Variants in ANO2 observed in about 807,000 individuals in gnomAD.
ANO2 encodes anoctamin-2.
ANO2 carries 101 observed loss-of-function variants against 124.2 expected under a neutral mutation model. The observed-to-expected ratio is 0.81, with a 90% CI of 0.69 to 0.96. The LOEUF is 0.96. Ranked by LOEUF, ANO2 falls within the 40% of genes least tolerant of loss-of-function variation. ANO2 has a pLI of 0.00. For missense variants in ANO2, 1,293 were observed against 1,274.5 expected (o/e 1.01, Z -0.22); for synonymous variants, 486 against 482.5 (o/e 1.01, Z -0.09).
At chr12:5,702,589 C>T (rs1177749902) in intron 14 of ANO2, among the ~76,000 whole-genome samples, 3 of 151,282 alleles carry the variant, frequency 2.0e-5, no homozygotes, top group African/African-American at 7.3e-5. Context: ...AAAAAAAAGA[C>T]CATCATACCG....
intron 16 of ANO2, among the ~76,000 whole-genome samples, chr12:5,621,890 G>A (rs1481525806): frequency 1.3e-5 from 2 of 152,040 alleles, no homozygotes; most frequent in African/African-American, 4.8e-5. Context: ...GAAAGGGAAG[G>A]AAGAAAGGGA....
Position 5,908,265 on chromosome 12 carries a change from C to T in ANO2, c.534+12775G>A, listed in dbSNP as rs149095555. Among the ~76,000 whole-genome samples, 340 of 152,356 alleles carry T rather than the reference C, an allele frequency of 2.2e-3. No homozygotes were observed. The highest frequency in any genetic ancestry group is 0.01 in the Middle Eastern group (3 of 294). ...GGCCTGAGAAGCCTTCACCCTCCAA[C>T]GGCCTGTGGATGAGCTAAGTGTAAG... On this transcript the variant is annotated intron_variant, in intron 3 of 24. Transcript: ENST00000682330. The surrounding 1 kb of genome is among the most constrained non-coding windows in gnomAD (Gnocchi z 4.7).
chr12:5,712,248 G>T (rs1195132773), intron 14 of ANO2, among the ~76,000 whole-genome samples: 1 of 151,856 alleles, frequency 6.6e-6, no homozygotes, highest in Non-Finnish European at 1.5e-5. Context: ...ATAGGCCCGG[G>T]TTCTAACCCC....
At position 5,925,682 on chromosome 12, in the gene ANO2, T is replaced by A. The variant is rs754914128; in HGVS notation, c.23-2878A>T. Among the ~76,000 whole-genome samples the A allele has an allele frequency of 2.6e-5, 4 of 152,224 alleles. No homozygotes were observed. The highest frequency in any genetic ancestry group is 5.9e-5 in the Non-Finnish European group (4 of 68,034). On this transcript the variant is annotated intron_variant, in intron 1 of 24. Coordinates refer to ENST00000682330, the MANE Select transcript of ANO2 (RefSeq NM_001364791.2). This position sits in a 1 kb window ranked among gnomAD's most constrained non-coding sequence, Gnocchi z 4.6. ...GCCATCGTACACAGCCCGTGGAACA[T>A]GTCACCCATTTGGAAAGAATCTTTC...
chr12:5,833,252 T>C lies in ANO2; in HGVS notation c.634-649A>G, dbSNP rs190383834. Among the ~76,000 whole-genome samples, 145 of 152,344 alleles carry C rather than the reference T, an allele frequency of 9.5e-4. 2 individuals carry two copies. The highest frequency in any genetic ancestry group is 6.5e-4 in the Non-Finnish European group (44 of 68,032). ...GGCATAGATTTAGTACCAAGGTAAT[T>C]GTTAATATTTATAGTGCATACTGTT... On this transcript the variant is annotated intron_variant, in intron 4 of 24. Coordinates refer to ENST00000682330, the MANE Select transcript of ANO2 (RefSeq NM_001364791.2).
chr12:5,787,305 A>G lies in ANO2; in HGVS notation c.1055+12202T>C, dbSNP rs79401177. On this transcript the variant is annotated intron_variant, in intron 10 of 24. Transcript: ENST00000682330. The surrounding 1 kb of genome is among the most constrained non-coding windows in gnomAD (Gnocchi z 4.2). ...GGCACTCACATAAGCCAAACCTTTCAATGATGTACCCTTTCCTTAGGGTAC... is the reference window on the plus strand; with the variant it reads ...GGCACTCACATAAGCCAAACCTTTCGATGATGTACCCTTTCCTTAGGGTAC... 3.3e-3 allele frequency among the ~76,000 whole-genome samples: 498 copies of G among 152,200 alleles called. 5 individuals are homozygous for G. Among genetic ancestry groups the G allele is most frequent in the African/African-American group, 0.012 (479 of 41,522 alleles).
chr12:5,823,974 G>A (rs556387464), intron 7 of ANO2, among the ~76,000 whole-genome samples: 1 of 152,334 alleles, frequency 6.6e-6, no homozygotes, highest in East Asian at 1.9e-4. Context: ...AGCCTGAGCT[G>A]TATGTTGGCC....
chr12:5,633,605 T>C (rs777156297), intron 16 of ANO2, among the ~76,000 whole-genome samples: 1 of 151,492 alleles, frequency 6.6e-6, no homozygotes, highest in Admixed American at 6.6e-5. Flanking sequence ...AAAAACACGT[T>C]CTGGTCAACT....
chr12:5,833,845 T>C (rs1178070995), intron 4 of ANO2, among the ~76,000 whole-genome samples: 1 of 152,138 alleles, frequency 6.6e-6, no homozygotes, highest in Non-Finnish European at 1.5e-5. Context: ...ATGGAAATAT[T>C]GTCTTCCGTG....
intron 4 of ANO2, among the ~76,000 whole-genome samples, chr12:5,851,684 CAAA>C (rs548897910): frequency 6.4e-5 from 4 of 62,580 alleles, no homozygotes; most frequent in Non-Finnish European, 3.4e-5. Flanking sequence ...GACTCCATCT[CAAA>C]AAAAAAAAAA....
chr12:5,563,360 G>A lies in ANO2; in HGVS notation c.2936C>T (p.Pro979Leu), dbSNP rs2136815468. 6.2e-7 allele frequency: 1 copy of A among 1,605,794 alleles called. No individual in the cohort carries two copies. Among genetic ancestry groups the A allele is most frequent in the South Asian group, 1.1e-5 (1 of 89,618 alleles). Residue 979 changes from proline to leucine, a missense_variant, in exon 25 of 25, where the codon CCT becomes CTT. Pro to Leu is a moderately conservative substitution (Grantham distance 98, BLOSUM62 -3). Transcript: ENST00000682330. ...RSRSRAASSAPSGQSQLGSMM... is the reference protein window; with the variant it reads ...RSRSRAASSALSGQSQLGSMM... ...GCTGCCCAGCTGGCTTTGGCCTGAA[G>A]GTGCTGAGCTGGCTGCCCGGCTCCT...
chr12:5,578,344 G>A, intron 21 of ANO2, 22 bp downstream of exon 21: 2 of 1,608,672 alleles, frequency 1.2e-6, no homozygotes, highest in Non-Finnish European at 1.7e-6. Context: ...GGCCTGGTGG[G>A]GCCTCTAAGT....
chr12:5,773,232 C>T (rs1952135500), intron 10 of ANO2, among the ~76,000 whole-genome samples: 1 of 152,218 alleles, frequency 6.6e-6, no homozygotes, highest in Admixed American at 6.5e-5. Context: ...ATTGTTGCTT[C>T]CCCATTTTTT....
At position 5,769,179 on chromosome 12, in the gene ANO2, G is replaced by A. The variant is rs1017303853; in HGVS notation, c.1056-18209C>T. On this transcript the variant is annotated intron_variant, in intron 10 of 24. Coordinates refer to ENST00000682330, the MANE Select transcript of ANO2 (RefSeq NM_001364791.2). The surrounding 1 kb of genome is among the most constrained non-coding windows in gnomAD (Gnocchi z 4.0). ...TCCTGTGCTGTGCCACTTTTAAGAA[G>A]AGGTTCCCTCTCTCCAACCAATCCT... is the stretch of plus-strand genomic sequence containing the variant. Among the ~76,000 whole-genome samples the A allele has an allele frequency of 3.9e-5, 6 of 152,162 alleles. No homozygotes were observed. The highest frequency in any genetic ancestry group is 8.8e-5 in the Non-Finnish European group (6 of 68,016).
chr12:5,875,284 T>C (rs1938016813), intron 3 of ANO2, among the ~76,000 whole-genome samples: 1 of 152,214 alleles, frequency 6.6e-6, no homozygotes. Flanking sequence ...GGACAGACCA[T>C]GAGATACTAA....
At chr12:5,889,173 G>C (rs1375015300) in intron 3 of ANO2, among the ~76,000 whole-genome samples, 2 of 152,184 alleles carry the variant, frequency 1.3e-5, no homozygotes, top group African/African-American at 4.8e-5. Context: ...CGCCCACCCA[G>C]AACTCGCGCT....
intron 22 of ANO2, among the ~76,000 whole-genome samples, chr12:5,577,696 C>A (rs1942491390): frequency 6.6e-6 from 1 of 152,182 alleles, no homozygotes; most frequent in Non-Finnish European, 1.5e-5. Context: ...CTGATTTTGA[C>A]CGTCAGGGCC....
At chr12:5,681,041 G>C (rs1393591650) in intron 14 of ANO2, among the ~76,000 whole-genome samples, 8 of 152,194 alleles carry the variant, frequency 5.3e-5, no homozygotes, top group African/African-American at 1.7e-4. Context: ...CCAGGCCCTG[G>C]TAATAGCAGT....
intron 10 of ANO2, among the ~76,000 whole-genome samples, chr12:5,799,128 A>T (rs2137162161): frequency 6.6e-6 from 1 of 152,336 alleles, no homozygotes. Flanking sequence ...CCTTTCCTGG[A>T]TCAACACTGG....
Sources: allele counts gnomAD v4.1 joint callset (sites outside exome capture counted in the v4.1 genomes callset), GRCh38; gene constraint gnomAD v4.1.1; non-coding constraint Gnocchi (gnomAD v3.1); transcripts MANE v1.5; gene names NCBI Gene and HGNC (gene_info 2026-07-23, HGNC 2026-07-21).